The following ZSCAN30 variants were observed in gnomAD, a reference collection of about 807,000 sequenced individuals.
ZSCAN30 encodes zinc finger and SCAN domain-containing protein 30.
Under a neutral mutation model 44.3 loss-of-function variants are expected in ZSCAN30, and 37 were observed. The observed-to-expected ratio is 0.84, with a 90% CI of 0.64 to 1.10. ZSCAN30 has a LOEUF of 1.10. Ranked by LOEUF, ZSCAN30 falls within the 50% of genes least tolerant of loss-of-function variation. The pLI is 0.00. For synonymous variants in ZSCAN30, 181 were observed against 204.6 expected, an observed-to-expected ratio of 0.88 and a Z score of 0.98; for missense variants, 549 against 582.6, an observed-to-expected ratio of 0.94 and a Z score of 0.59.
At chr18:35,262,565 CT>C (rs147472334) in intron 3 of ZSCAN30, 3,253 of 152,274 alleles carry the variant, frequency 0.021, 124 homozygotes, top group African/African-American at 0.074. Flanking sequence ...CTGGCATGTT[CT>C]TTGTGTTTGT....
intron 1 of ZSCAN30, among the ~76,000 whole-genome samples, chr18:35,273,452 A>G (rs1373711774): frequency 6.6e-6 from 1 of 152,240 alleles, no homozygotes; most frequent in Non-Finnish European, 1.5e-5. Flanking sequence ...CTGTTAACGG[A>G]CACTTGGGTG....
intron 1 of ZSCAN30, among the ~76,000 whole-genome samples, chr18:35,271,840 C>G (rs868652746): frequency 2.0e-5 from 3 of 152,210 alleles, no homozygotes; most frequent in Admixed American, 6.5e-5. Context: ...TTGATTGTGG[C>G]GCAGGCAGTT....
In ZSCAN30 at chr18:35,254,269, T is replaced by A. The variant is rs201537731; in HGVS notation, c.666A>T (p.Gln222His). 1.9e-6 allele frequency: 3 copies of A among 1,614,144 alleles called. No homozygotes were observed. The East Asian group carries it at 6.7e-5, about 36-fold the overall frequency. ...PGKLPGETHSQRIAEEALGGL... is the reference protein window; with the variant it reads ...PGKLPGETHSHRIAEEALGGL... ...CTCCCAAAGCTTCTTCAGCTATCCGTTGGGAATGTGTTTCTCCAGGAAGTT... is the reference window on the plus strand; with the variant it reads ...CTCCCAAAGCTTCTTCAGCTATCCGATGGGAATGTGTTTCTCCAGGAAGTT... The change falls in exon 4 of 4, where the codon CAA (glutamine) becomes CAT (histidine). Residue 222 changes from glutamine (Q) to histidine (H), a missense_variant. Physicochemically the swap from Gln to His is conservative, Grantham distance 24. Transcript: ENST00000333206.
At chr18:35,285,160 C>T (rs1366388485) in intron 1 of ZSCAN30, 1 of 152,720 alleles carries the variant, frequency 6.5e-6, no homozygotes, top group Non-Finnish European at 1.5e-5. Context: ...GCCTGGGCAA[C>T]AGAGTGAGAG....
chr18:35,272,062 G>A (rs2044291780), intron 1 of ZSCAN30, among the ~76,000 whole-genome samples: 1 of 152,238 alleles, frequency 6.6e-6, no homozygotes, highest in Non-Finnish European at 1.5e-5. Flanking sequence ...CCAGCCCAGA[G>A]AGGGGCTTCC....
intron 3 of ZSCAN30, chr18:35,258,901 AG>A (rs2043938665): frequency 8.8e-5 from 13 of 147,130 alleles, no homozygotes; most frequent in Non-Finnish European, 1.8e-4. Flanking sequence ...AAAAAAAAAA[AG>A]GTCAAAGTGC....
At chr18:35,286,951 T>C (rs2044563456) in intron 1 of ZSCAN30, among the ~76,000 whole-genome samples, 1 of 152,118 alleles carries the variant, frequency 6.6e-6, no homozygotes, top group Non-Finnish European at 1.5e-5. Flanking sequence ...CTAGAACTAA[T>C]AAATGAATTT....
intron 1 of ZSCAN30, among the ~76,000 whole-genome samples, chr18:35,276,305 T>A (rs563366420): frequency 7.9e-5 from 12 of 152,234 alleles, no homozygotes; most frequent in Non-Finnish European, 1.3e-4. Flanking sequence ...CTTTTTTTTT[T>A]TTAAATTACT....
chr18:35,279,930 G>A (rs2044425983), intron 1 of ZSCAN30, among the ~76,000 whole-genome samples: 1 of 152,090 alleles, frequency 6.6e-6, no homozygotes, highest in Admixed American at 6.5e-5. Flanking sequence ...TATCTTTTGG[G>A]GGGATACAAT....
chr18:35,253,447 G>C lies in ZSCAN30; in HGVS notation c.*3C>G. On this transcript the variant is annotated 3_prime_UTR_variant, in exon 4 of 4. Transcript: ENST00000333206. ...CACAATTGTACAACTCTTACCCACAGAGTTAAACTCTGGTGTGTGTTCTCT... is the reference window on the plus strand; with the variant it reads ...CACAATTGTACAACTCTTACCCACACAGTTAAACTCTGGTGTGTGTTCTCT... 6.4e-7 allele frequency: 1 copy of C among 1,558,832 alleles called. No individual in the cohort carries two copies. Among genetic ancestry groups the C allele is most frequent in the Non-Finnish European group, 8.7e-7 (1 of 1,151,186 alleles).
intron 1 of ZSCAN30, among the ~76,000 whole-genome samples, chr18:35,286,319 G>C (rs2044548429): frequency 6.6e-6 from 1 of 152,062 alleles, no homozygotes; most frequent in Non-Finnish European, 1.5e-5. Flanking sequence ...GATGCTTTTT[G>C]AATCATTCTT....
At chr18:35,287,775 G>T (rs1291661288) in intron 1 of ZSCAN30, among the ~76,000 whole-genome samples, 25 of 151,638 alleles carry the variant, frequency 1.6e-4, no homozygotes, top group Admixed American at 1.6e-3. Flanking sequence ...TTGATAAACT[G>T]TGCTTCATCA....
rs191151407 is a variant in ZSCAN30 at position 35,272,815 on chromosome 18, T to C, written c.-103-8360A>G. On this transcript the variant is annotated intron_variant, in intron 1 of 3. Coordinates refer to ENST00000333206, the MANE Select transcript of ZSCAN30 (RefSeq NM_001112734.4). The stretch of plus-strand genomic sequence containing the variant: ...ATTTAACTGGACTTACAGTTACACG[T>C]AGCTGGGGAGGTCTCACAAACATGG... Among the ~76,000 whole-genome samples the C allele has an allele frequency of 2.4e-3, 369 of 152,334 alleles. 1 individual carries two copies. Among genetic ancestry groups the C allele is most frequent in the African/African-American group, 7.8e-3 (325 of 41,574 alleles).
intron 1 of ZSCAN30, among the ~76,000 whole-genome samples, chr18:35,272,334 T>A (rs1478885949): frequency 2.8e-5 from 4 of 144,028 alleles, no homozygotes; most frequent in Non-Finnish European, 4.5e-5. Context: ...CCGGCCCATA[T>A]CCATCATTTT....
chr18:35,270,457 CT>C (rs1329647051), intron 1 of ZSCAN30, among the ~76,000 whole-genome samples: 1 of 152,192 alleles, frequency 6.6e-6, no homozygotes, highest in African/African-American at 2.4e-5. Context: ...ATTTTACCAC[CT>C]ATTTTCCAAT....
chr18:35,267,826 G>T (rs2044192521), intron 1 of ZSCAN30: 1 of 151,968 alleles, frequency 6.6e-6, no homozygotes, highest in South Asian at 2.1e-4. Flanking sequence ...AATAAAAACC[G>T]AGAACCCATG....
At chr18:35,254,478 T>G (rs2043722005) in intron 3 of ZSCAN30, 97 bp from the exon 4 acceptor site, 2 of 1,583,600 alleles carry the variant, frequency 1.3e-6, no homozygotes, top group East Asian at 4.6e-5. Context: ...AGGTATTTAT[T>G]TATTAGGAGG....
chr18:35,259,558 A>C (rs757607325), intron 3 of ZSCAN30: 2 of 153,700 alleles, frequency 1.3e-5, no homozygotes, highest in Admixed American at 6.5e-5. Context: ...TCTTCTTTTA[A>C]GGACATCAAT....
chr18:35,272,584 A>G (rs138301760), intron 1 of ZSCAN30, among the ~76,000 whole-genome samples: 8,109 of 151,918 alleles, frequency 0.053, 281 homozygotes, highest in Non-Finnish European at 0.077. Context: ...ACCTCAAATG[A>G]TCTGCCTGCC....
Sources: gnomAD v4.1 joint callset for allele counts (sites outside exome capture counted in the v4.1 genomes callset) on GRCh38, gnomAD v4.1.1 for gene constraint, MANE v1.5 for transcripts, NCBI Gene and HGNC (gene_info 2026-07-23, HGNC 2026-07-21) for gene names.